Variants in GABRA2 observed in about 807,000 individuals in gnomAD.
GABRA2 encodes the protein gamma-aminobutyric acid receptor subunit alpha-2.
GABRA2 carries 16 observed loss-of-function variants against 48.7 expected under a neutral mutation model. The ratio of observed to expected loss-of-function variants is 0.33; its 90% CI spans 0.22 to 0.50. The LOEUF is 0.50. GABRA2 is among the 20% of genes least tolerant of loss of function. The pLI is 0.98. For synonymous variants in GABRA2, 185 were observed against 184.5 expected, an observed-to-expected ratio of 1.00 and a Z score of -0.02; for missense variants, 275 against 535.6, an observed-to-expected ratio of 0.51 and a Z score of 4.80.
intron 8 of GABRA2, among the ~76,000 whole-genome samples, chr4:46,268,709 A>T (rs1431549497): frequency 1.3e-5 from 2 of 151,962 alleles, no homozygotes; most frequent in South Asian, 4.1e-4. Context: ...AAGACTTGAG[A>T]TCACTATAGT....
chr4:46,332,540 A>G, intron 4 of GABRA2, 75 bp downstream of exon 4: 2 of 840,180 alleles, frequency 2.4e-6, no homozygotes, highest in Non-Finnish European at 4.1e-6. Context: ...ATAACACTAA[A>G]AATGCTAGTT....
At chr4:46,257,250 T>G (rs1369393275) in intron 9 of GABRA2, among the ~76,000 whole-genome samples, 1 of 151,650 alleles carries the variant, frequency 6.6e-6, no homozygotes, top group Non-Finnish European at 1.5e-5. Context: ...TCTGAAAAGT[T>G]TTCATATTAT....
At chr4:46,304,879 C>T (rs1024760248) in intron 7 of GABRA2, among the ~76,000 whole-genome samples, 8 of 140,800 alleles carry the variant, frequency 5.7e-5, no homozygotes, top group Non-Finnish European at 9.1e-5. Flanking sequence ...GAGCCCAGAT[C>T]GTGCCACTGC....
In GABRA2 at chr4:46,389,941, G is replaced by A; in HGVS notation, c.-217C>T. On this transcript the variant is annotated 5_prime_UTR_variant, in exon 1 of 10. Coordinates refer to ENST00000381620, the MANE Select transcript of GABRA2 (RefSeq NM_000807.4). ...GAGGAGCGCTAGGAGCCGCGGCGGC[G>A]GCGCGAGGTGTAGAAGGAGGCGAAG... 2.0e-6 allele frequency: 2 copies of A among 988,452 alleles called. No homozygotes were observed. Among genetic ancestry groups the A allele is most frequent in the Non-Finnish European group, 2.4e-6 (2 of 831,888 alleles). 61.2% of individuals were successfully genotyped at this position (988,452 alleles called of 1,614,324 possible).
chr4:46,273,155 T>A (rs1487850854), intron 8 of GABRA2, among the ~76,000 whole-genome samples: 6 of 151,926 alleles, frequency 3.9e-5, no homozygotes, highest in Non-Finnish European at 8.8e-5. Flanking sequence ...GTATTGTTTT[T>A]CCTTCCCTAG....
At chr4:46,283,981 C>G (rs921413414) in intron 8 of GABRA2, among the ~76,000 whole-genome samples, 1 of 151,360 alleles carries the variant, frequency 6.6e-6, no homozygotes, top group African/African-American at 2.4e-5. Context: ...GGATGGTCTC[C>G]ATCTCCTGAC....
rs1713519599 is a variant in GABRA2, at chr4:46,245,314, C to T, written c.*4994G>A. Among the ~76,000 whole-genome samples the T allele has an allele frequency of 1.3e-5, 2 of 150,780 alleles. No individual in the cohort carries two copies. The highest frequency in any genetic ancestry group is 3.0e-5 in the Non-Finnish European group (2 of 67,306). On this transcript the variant is annotated 3_prime_UTR_variant, in exon 10 of 10. Coordinates refer to ENST00000381620, the MANE Select transcript of GABRA2 (RefSeq NM_000807.4). ...ACATAACTTTGTATTTGTAAATAAC[C>T]AGATATTTAACTTTTAGAAGAGCTT... is the stretch of plus-strand genomic sequence containing the variant.
chr4:46,371,311 A>T (rs1321614070), intron 3 of GABRA2, among the ~76,000 whole-genome samples: 1 of 152,218 alleles, frequency 6.6e-6, no homozygotes, highest in Non-Finnish European at 1.5e-5. Context: ...GGAACATGTT[A>T]AATAGAACAT....
intron 3 of GABRA2, among the ~76,000 whole-genome samples, chr4:46,371,992 C>T (rs994006295): frequency 2.0e-5 from 3 of 152,080 alleles, no homozygotes; most frequent in Non-Finnish European, 4.4e-5. Flanking sequence ...TGGCATCACC[C>T]AGGAGCTTGT....
At chr4:46,379,011 A>T (rs1181131134) in intron 3 of GABRA2, among the ~76,000 whole-genome samples, 1 of 152,156 alleles carries the variant, frequency 6.6e-6, no homozygotes, top group African/African-American at 2.4e-5. Flanking sequence ...TCTGGTTAAG[A>T]CAACCAACTG....
rs199892609 is a variant in GABRA2 at position 46,323,405 on chromosome 4, T to C, written c.255+9210A>G. ...TCCTCATTTGTTCTTCTCAGATATC[T>C]TTTTTTTCCCTAAAAACCGTACCAA... On this transcript the variant is annotated intron_variant, in intron 4 of 9. Transcript: ENST00000381620. 1.9e-4 allele frequency among the ~76,000 whole-genome samples: 7 copies of C among 36,182 alleles called. No homozygotes were observed. In the East Asian group the frequency reaches 6.7e-3, roughly 34 times the overall value. The allele number at this position is 36,182 out of a possible 152,430, so 23.7% of individuals were successfully genotyped here. A position where few individuals can be genotyped will look rare whatever the true frequency, so the allele number is the denominator to read the frequency against.
At chr4:46,354,689 C>T (rs1042948457) in intron 3 of GABRA2, among the ~76,000 whole-genome samples, 4 of 152,046 alleles carry the variant, frequency 2.6e-5, no homozygotes, top group Non-Finnish European at 4.4e-5. Flanking sequence ...AACCTTTAAG[C>T]GGCTTGTTTG....
At chr4:46,353,704 T>G (rs909081268) in intron 3 of GABRA2, among the ~76,000 whole-genome samples, 2 of 152,140 alleles carry the variant, frequency 1.3e-5, no homozygotes, top group African/African-American at 4.8e-5. Context: ...CTATAAGCCC[T>G]CATCAAAATC....
intron 3 of GABRA2, chr4:46,366,843 ACATTTTAGG>A (rs1714117137): frequency 6.6e-6 from 1 of 152,086 alleles, no homozygotes; most frequent in South Asian, 2.1e-4. Flanking sequence ...AAATACAGAG[ACATTTTAGG>A]CTTATGCTTT....
rs116080533 is a variant in GABRA2, at chr4:46,389,225, T to C, written c.-10-509A>G. 2.7e-3 allele frequency: 2,656 copies of C among 986,688 alleles called. 58 individuals are homozygous for C. In the African/African-American group the frequency reaches 0.042, roughly 16 times the overall value. 61.1% of individuals were successfully genotyped at this position (986,688 alleles called of 1,614,324 possible). On this transcript the variant is annotated intron_variant, in intron 1 of 9. Transcript: ENST00000381620. ...AGGCAGCCCACTTTTGCAATTACTC[T>C]ACATTACAGTGAACTGCGGTCCTCA...
At chr4:46,333,983 C>G (rs1203664605) in intron 3 of GABRA2, among the ~76,000 whole-genome samples, 3 of 152,006 alleles carry the variant, frequency 2.0e-5, no homozygotes, top group Non-Finnish European at 4.4e-5. Flanking sequence ...TACTCCGTGC[C>G]AAAGGCATAG....
Position 46,332,598 on chromosome 4 carries a change from T to G in GABRA2, c.255+17A>C. On this transcript the variant is annotated intron_variant, in intron 4 of 9. Transcript: ENST00000381620. ...CCCATTATGTGAAGTAAAAATACTATTTAATGAAAAACTCACCATATCTGT... is the reference window on the plus strand; with the variant it reads ...CCCATTATGTGAAGTAAAAATACTAGTTAATGAAAAACTCACCATATCTGT... 6.7e-7 allele frequency: 1 copy of G among 1,498,594 alleles called. No homozygotes were observed. The highest frequency in any genetic ancestry group is 9.3e-7 in the Non-Finnish European group (1 of 1,076,760). The allele number at this position is 1,498,594 out of a possible 1,614,324, so 92.8% of individuals were successfully genotyped here. A position where few individuals can be genotyped will look rare whatever the true frequency, so the allele number is the denominator to read the frequency against.
intron 7 of GABRA2, among the ~76,000 whole-genome samples, chr4:46,304,513 A>G (rs1315488552): frequency 6.6e-6 from 1 of 151,990 alleles, no homozygotes; most frequent in African/African-American, 2.4e-5. Context: ...TATTTTTTAA[A>G]GGAAGGCGGC....
rs1348674628 is a variant in GABRA2, at chr4:46,317,750, T to TA, written c.256-5035dup. ...TAATATGAGCCCTACATGAGCCAGG[T>TA]AAAAAAAAATGGTAAACAAATAAAC... is the stretch of plus-strand genomic sequence containing the variant. On this transcript the variant is annotated intron_variant, in intron 4 of 9. Transcript: ENST00000381620. 3.4e-4 allele frequency among the ~76,000 whole-genome samples: 50 copies of TA among 148,904 alleles called. No homozygotes were observed. In the Middle Eastern group the frequency reaches 0.014, roughly 41 times the overall value.
Sources: allele counts gnomAD v4.1 joint callset (sites outside exome capture counted in the v4.1 genomes callset), GRCh38; gene constraint gnomAD v4.1.1; transcripts MANE v1.5; gene names NCBI Gene and HGNC (gene_info 2026-07-23, HGNC 2026-07-21).